The following MYO18B variants were observed in gnomAD, a reference collection of about 807,000 sequenced individuals.
MYO18B encodes the protein myosin XVIIIB.
MYO18B carries 204 observed loss-of-function variants against 273.0 expected under a neutral mutation model. That is an observed-to-expected ratio of 0.75 (90% CI 0.67 to 0.84). MYO18B has a LOEUF of 0.84. Ranked by LOEUF, MYO18B falls within the 40% of genes least tolerant of loss-of-function variation. The pLI, the probability that MYO18B is intolerant of heterozygous loss-of-function variation, is 0.00. For synonymous variants in MYO18B, 1,330 were observed against 1,305.7 expected (o/e 1.02, Z -0.40); for missense variants, 3,212 against 3,287.6 (o/e 0.98, Z 0.56).
intron 39 of MYO18B, among the ~76,000 whole-genome samples, chr22:25,966,011 G>A (rs923400373): frequency 2.0e-5 from 3 of 152,170 alleles, no homozygotes; most frequent in African/African-American, 7.2e-5. Flanking sequence ...TTAGAAATCT[G>A]TCCTTCTGAG....
intron 16 of MYO18B, among the ~76,000 whole-genome samples, chr22:25,834,010 C>T (rs550650703): frequency 6.6e-6 from 1 of 152,314 alleles, no homozygotes; most frequent in Admixed American, 6.5e-5. Context: ...AGTTCATTTC[C>T]TTCCACACTG....
intron 40 of MYO18B, among the ~76,000 whole-genome samples, chr22:25,997,731 C>A (rs927532176): frequency 2.6e-5 from 4 of 151,962 alleles, no homozygotes; most frequent in Admixed American, 1.3e-4. Flanking sequence ...GTAAATCCAC[C>A]GTCCATAGCA....
chr22:26,046,389 A>G, the MYO18B span, among the ~76,000 whole-genome samples: 2 of 152,350 alleles, frequency 1.3e-5, no homozygotes, highest in South Asian at 2.1e-4. Context: ...GAATTTTTCT[A>G]AAGTGGGGCA....
chr22:26,016,607 T>C (rs1258888994), intron 42 of MYO18B, among the ~76,000 whole-genome samples: 2 of 152,250 alleles, frequency 1.3e-5, no homozygotes, highest in Non-Finnish European at 2.9e-5. Flanking sequence ...CTTTGCACAT[T>C]CTTTCTGCAG....
At chr22:25,944,576 A>G (rs949169198) in intron 34 of MYO18B, among the ~76,000 whole-genome samples, 5 of 152,094 alleles carry the variant, frequency 3.3e-5, no homozygotes, top group Admixed American at 2.0e-4. Flanking sequence ...TAGGCTGGGC[A>G]TGGTGGCTCA....
At chr22:25,863,538 T>C (rs976275936) in intron 21 of MYO18B, among the ~76,000 whole-genome samples, 1 of 138,338 alleles carries the variant, frequency 7.2e-6, no homozygotes, top group Non-Finnish European at 1.6e-5. Flanking sequence ...ACCACTGATA[T>C]CTCTGCCCAA....
intron 34 of MYO18B, among the ~76,000 whole-genome samples, chr22:25,929,208 C>T (rs1339088723): frequency 6.6e-6 from 1 of 151,250 alleles, no homozygotes; most frequent in African/African-American, 2.4e-5. Flanking sequence ...ACATAACATC[C>T]CCAATTGGCT....
chr22:25,997,978 C>CACACGAGAGAGAGA lies in MYO18B; in HGVS notation c.6288-5287_6288-5286insACACGAGAGAGAGA, dbSNP rs34431605. Among the ~76,000 whole-genome samples the CACACGAGAGAGAGA allele has an allele frequency of 1.5e-3, 222 of 144,622 alleles. 1 individual carries two copies. Among genetic ancestry groups the CACACGAGAGAGAGA allele is most frequent in the African/African-American group, 2.6e-3 (97 of 37,918 alleles). The allele number at this position is 144,622 out of a possible 152,430, so 94.9% of individuals were successfully genotyped here. ...ACACAAACACACACACACACACACA[C>CACACGAGAGAGAGA]GAGAGAGAGAGAGAGAGAGAGAGAT... On this transcript the variant is annotated intron_variant, in intron 40 of 43. Coordinates refer to ENST00000335473, the MANE Select transcript of MYO18B (RefSeq NM_032608.7).
chr22:25,776,126 A>G (rs556909735), intron 7 of MYO18B, among the ~76,000 whole-genome samples: 3 of 152,308 alleles, frequency 2.0e-5, no homozygotes, highest in Admixed American at 6.5e-5. Context: ...ACCCATATAA[A>G]TGGCATTGTA....
At chr22:25,913,373 T>TCTTTC (rs1260344126) in intron 33 of MYO18B, among the ~76,000 whole-genome samples, 1 of 151,984 alleles carries the variant, frequency 6.6e-6, no homozygotes, top group Non-Finnish European at 1.5e-5. Flanking sequence ...TCTTTTCTTT[T>TCTTTC]CTTTTTTTGA....
Position 26,030,985 on chromosome 22 carries a change from T to C in MYO18B, c.*555T>C, listed in dbSNP as rs1344642185. 1 of 398,414 alleles carries C rather than the reference T, an allele frequency of 2.5e-6. No homozygotes were observed. The highest frequency in any genetic ancestry group is 2.1e-5 in the African/African-American group (1 of 48,596). 24.7% of individuals were successfully genotyped at this position (398,414 alleles called of 1,614,324 possible). A position where few individuals can be genotyped will look rare whatever the true frequency, so the allele number is the denominator to read the frequency against. The stretch of plus-strand genomic sequence containing the variant: ...AAGTGTGTACAAGCATTCAAGAAAC[T>C]GATGAATGATGAATGAATGAATGAG... On this transcript the variant is annotated 3_prime_UTR_variant, in exon 44 of 44. Coordinates refer to ENST00000335473, the MANE Select transcript of MYO18B (RefSeq NM_032608.7).
At position 25,761,072 on chromosome 22, in the gene MYO18B, C is replaced by A. The variant is rs755913232; in HGVS notation, c.-21C>A. 6.8e-6 allele frequency: 11 copies of A among 1,613,188 alleles called. No homozygotes were observed. The highest frequency in any genetic ancestry group is 8.5e-6 in the Non-Finnish European group (10 of 1,179,780). On this transcript the variant is annotated 5_prime_UTR_variant, in exon 2 of 44. Coordinates refer to ENST00000335473, the MANE Select transcript of MYO18B (RefSeq NM_032608.7). ...AGCTCCATCTCATCTCATCATCTCA[C>A]GGCCCTGGCACTGCCTCAGCATGGC...
chr22:25,793,785 A>G (rs1330097095), intron 11 of MYO18B, among the ~76,000 whole-genome samples: 2 of 152,230 alleles, frequency 1.3e-5, no homozygotes, highest in Non-Finnish European at 2.9e-5. Context: ...ATTGACCTTG[A>G]GACTTTACCT....
chr22:25,760,628 C>CT (rs2086282515), intron 1 of MYO18B, among the ~76,000 whole-genome samples: 1 of 152,134 alleles, frequency 6.6e-6, no homozygotes, highest in Non-Finnish European at 1.5e-5. Flanking sequence ...TTAGATTTGC[C>CT]TGTTCTTGAA....
chr22:25,804,009 C>CACAT (rs1279449305), intron 12 of MYO18B, among the ~76,000 whole-genome samples: 2 of 148,212 alleles, frequency 1.3e-5, no homozygotes, highest in Admixed American at 6.7e-5. Context: ...CACACACACA[C>CACAT]ATATTTTATA....
chr22:25,788,745 C>G (rs1046272652), intron 11 of MYO18B, among the ~76,000 whole-genome samples: 2 of 152,130 alleles, frequency 1.3e-5, no homozygotes, highest in South Asian at 2.1e-4. Flanking sequence ...AGCCAGCCCC[C>G]GTACTATGAT....
intron 11 of MYO18B, 48 bp downstream of exon 11, chr22:25,785,539 C>G (rs1319368579): frequency 6.3e-7 from 1 of 1,576,568 alleles, no homozygotes; most frequent in Non-Finnish European, 8.7e-7. Context: ...GTGTCTGGGG[C>G]TAGATGGGAG....
At chr22:25,991,022 C>T (rs1368065254) in intron 39 of MYO18B, among the ~76,000 whole-genome samples, 2 of 117,360 alleles carry the variant, frequency 1.7e-5, no homozygotes, top group Admixed American at 7.7e-5. Context: ...TGATACTGCT[C>T]GGATCTATTC....
intron 33 of MYO18B, among the ~76,000 whole-genome samples, chr22:25,918,909 A>G (rs2092300607): frequency 6.6e-6 from 1 of 152,190 alleles, no homozygotes; most frequent in Non-Finnish European, 1.5e-5. Flanking sequence ...TTACATCCTA[A>G]TGCTGAGCTG....
Sources: gnomAD v4.1 joint callset for allele counts (sites outside exome capture counted in the v4.1 genomes callset) on GRCh38, gnomAD v4.1.1 for gene constraint, MANE v1.5 for transcripts, NCBI Gene and HGNC (gene_info 2026-07-23, HGNC 2026-07-21) for gene names.